The following TTC3 variants were observed in gnomAD, a reference collection of about 807,000 sequenced individuals.
TTC3 encodes tetratricopeptide repeat domain 3, also known as E3 ubiquitin-protein ligase TTC3.
TTC3 carries 180 observed loss-of-function variants against 249.6 expected under a neutral mutation model. The observed-to-expected ratio is 0.72, with a 90% CI of 0.64 to 0.82. TTC3 has a LOEUF of 0.82. TTC3 is among the 40% of genes least tolerant of loss of function. The pLI is 0.00. For synonymous variants in TTC3, 717 were observed against 805.0 expected, an observed-to-expected ratio of 0.89 and a Z score of 1.85; for missense variants, 2,061 against 2,398.4, an observed-to-expected ratio of 0.86 and a Z score of 2.94.
intron 13 of TTC3, among the ~76,000 whole-genome samples, chr21:37,124,112 C>CTGTTT (rs2076851310): frequency 1.6e-5 from 1 of 61,272 alleles, no homozygotes; most frequent in Non-Finnish European, 2.8e-5. Flanking sequence ...TTGAACTGTT[C>CTGTTT]TTTTTTTTTT....
At chr21:37,158,130 G>A (rs1454654068) in intron 28 of TTC3, 1 of 985,306 alleles carries the variant, frequency 1.0e-6, no homozygotes, top group East Asian at 1.1e-4. Flanking sequence ...TATCTTTTCA[G>A]GATACTGCTT....
At chr21:37,159,877 A>G in intron 29 of TTC3, 132 bp downstream of exon 29, 1 of 677,140 alleles carries the variant, frequency 1.5e-6, no homozygotes, top group Non-Finnish European at 2.3e-6. Context: ...ACGTCTGGGT[A>G]GTACGTACTA....
intron 10 of TTC3, chr21:37,098,773 G>C (rs1309147957): frequency 6.6e-6 from 1 of 152,188 alleles, no homozygotes; most frequent in Non-Finnish European, 1.5e-5. Context: ...TGACTAGATG[G>C]TGTGACTTAA....
intron 29 of TTC3, 121 bp downstream of exon 29, chr21:37,159,866 G>A (rs2080527011): frequency 2.2e-6 from 2 of 896,404 alleles, no homozygotes; most frequent in African/African-American, 1.9e-5. Flanking sequence ...ACATTAAAAG[G>A]ACGTCTGGGT....
intron 10 of TTC3, among the ~76,000 whole-genome samples, chr21:37,104,179 G>A (rs1052968450): frequency 4.6e-5 from 7 of 152,276 alleles, no homozygotes; most frequent in Admixed American, 6.5e-5. Context: ...CTGTTCTGAC[G>A]TTTCTGCCTT....
chr21:37,084,574 A>G (rs1032668022), intron 1 of TTC3, among the ~76,000 whole-genome samples: 2 of 152,352 alleles, frequency 1.3e-5, no homozygotes, highest in African/African-American at 2.4e-5. Context: ...GAGGAAGCAC[A>G]GAGAGGTTAA....
chr21:37,174,562 T>G (rs2082073001), intron 35 of TTC3, among the ~76,000 whole-genome samples: 1 of 152,218 alleles, frequency 6.6e-6, no homozygotes, highest in Admixed American at 6.5e-5. Context: ...TGCAGATTGC[T>G]GAGGTTATGA....
At chr21:37,175,759 G>C (rs2082217534) in intron 35 of TTC3, among the ~76,000 whole-genome samples, 1 of 151,684 alleles carries the variant, frequency 6.6e-6, no homozygotes, top group African/African-American at 2.4e-5. Context: ...CGGCGGAAAA[G>C]TGGCTTTTTA....
chr21:37,166,733 A>G, intron 33 of TTC3, 118 bp downstream of exon 33: 2 of 1,421,792 alleles, frequency 1.4e-6, no homozygotes, highest in East Asian at 2.5e-5. Flanking sequence ...TGATTACTGA[A>G]GCTTTTGCCT....
chr21:37,091,454 T>C, intron 7 of TTC3, 41 bp downstream of exon 7: 1 of 1,555,684 alleles, frequency 6.4e-7, no homozygotes, highest in South Asian at 1.2e-5. Flanking sequence ...ACTCAGTTTT[T>C]AAAGGTGTTT....
chr21:37,087,021 A>G (rs1361022952), intron 1 of TTC3: 4 of 514,610 alleles, frequency 7.8e-6, no homozygotes, highest in South Asian at 2.6e-5. Flanking sequence ...GAGATGGTGA[A>G]TATGTGAACC....
intron 34 of TTC3, among the ~76,000 whole-genome samples, chr21:37,171,855 T>C (rs2081828306): frequency 6.6e-6 from 1 of 152,146 alleles, no homozygotes; most frequent in South Asian, 2.1e-4. Context: ...TACTAAGGTA[T>C]TGGGGGAAGG....
exon 35 of TTC3, chr21:37,172,704 A>G: frequency 1.2e-6 from 2 of 1,614,096 alleles, no homozygotes; most frequent in Non-Finnish European, 1.7e-6. Context: ...GAGACCAGGG[A>G]CCTGGAAGAG....
exon 46 of TTC3, chr21:37,202,153 CTT>C (rs1385666816): frequency 6.6e-6 from 1 of 152,222 alleles, no homozygotes; most frequent in Non-Finnish European, 1.5e-5. Context: ...CAAATCTCCT[CTT>C]TGTGAAATCC....
chr21:37,133,672 C>T (rs1218670099), intron 17 of TTC3, among the ~76,000 whole-genome samples: 1 of 152,156 alleles, frequency 6.6e-6, no homozygotes, highest in Non-Finnish European at 1.5e-5. Flanking sequence ...TCTGCTGGAG[C>T]TTTCAGGACA....
At chr21:37,076,781 C>A (rs575473463) in intron 1 of TTC3, among the ~76,000 whole-genome samples, 1 of 146,822 alleles carries the variant, frequency 6.8e-6, no homozygotes, top group Non-Finnish European at 1.5e-5. Context: ...CGGCTCACTG[C>A]AACCTCTGCC....
At chr21:37,185,278 C>T (rs924430268) in intron 36 of TTC3, among the ~76,000 whole-genome samples, 1 of 152,018 alleles carries the variant, frequency 6.6e-6, no homozygotes, top group South Asian at 2.1e-4. Flanking sequence ...CGTGCGCACC[C>T]GCGTGTGTGC....
chr21:37,077,990 C>A (rs543061281), intron 1 of TTC3, among the ~76,000 whole-genome samples: 3 of 152,192 alleles, frequency 2.0e-5, no homozygotes, highest in African/African-American at 7.2e-5. Context: ...CATTTAAGTT[C>A]ATAATTTATC....
intron 36 of TTC3, among the ~76,000 whole-genome samples, chr21:37,183,732 G>T (rs1240190676): frequency 1.3e-5 from 2 of 152,122 alleles, no homozygotes; most frequent in Non-Finnish European, 2.9e-5. Flanking sequence ...CCTTCCATAT[G>T]ATCTCTATTA....
Sources: gnomAD v4.1 joint callset for allele counts (sites outside exome capture counted in the v4.1 genomes callset) on GRCh38, gnomAD v4.1.1 for gene constraint, MANE v1.5 for transcripts, NCBI Gene and HGNC (gene_info 2026-07-23, HGNC 2026-07-21) for gene names.